The following ANKFN1 variants were observed in gnomAD, a reference collection of about 807,000 sequenced individuals.
ANKFN1 encodes ankyrin repeat and fibronectin type-III domain-containing protein 1.
In ANKFN1, 74 loss-of-function variants were observed where a neutral mutation model predicts 108.7. The ratio of observed to expected loss-of-function variants is 0.68; its 90% CI spans 0.56 to 0.83. The LOEUF is 0.83. Among genes scored for constraint, ANKFN1 ranks in the 40% least tolerant of loss-of-function variants. The pLI, the probability that ANKFN1 is intolerant of heterozygous loss-of-function variation, is 0.00. For missense variants in ANKFN1, 1,505 were observed against 1,382.3 expected, an observed-to-expected ratio of 1.09 and a Z score of -1.41; for synonymous variants, 547 against 516.2, an observed-to-expected ratio of 1.06 and a Z score of -0.81.
intron 8 of ANKFN1, among the ~76,000 whole-genome samples, chr17:56,392,424 C>T (rs968291517): frequency 5.3e-5 from 8 of 152,298 alleles, no homozygotes; most frequent in African/African-American, 1.9e-4. Context: ...GCTCTACCCC[C>T]ACAGGTCCCC....
At chr17:56,321,670 G>T (rs1247162477) in intron 3 of ANKFN1, among the ~76,000 whole-genome samples, 1 of 152,158 alleles carries the variant, frequency 6.6e-6, no homozygotes, top group Non-Finnish European at 1.5e-5. Flanking sequence ...TTCTGATGTT[G>T]GTGGGCTTTG....
chr17:56,051,876 C>A (rs1031924915), intron 4 of ANKFN1, among the ~76,000 whole-genome samples: 1 of 150,534 alleles, frequency 6.6e-6, no homozygotes, highest in Non-Finnish European at 1.5e-5. Context: ...TGTGAAGGAC[C>A]TCTTCAAGGA....
In ANKFN1 at chr17:56,144,172, A is replaced by C. The variant is rs1015581679; in HGVS notation, c.289-83745A>C. ...GGCGCATCTGAAAAAAAAAAAAAAA[A>C]AAAAAAAAAAAAACAGCCCAAACCA... On this transcript the variant is annotated intron_variant, in intron 4 of 12. Transcript: ENST00000635860. Among the ~76,000 whole-genome samples, 75 of 119,120 alleles carry C rather than the reference A, an allele frequency of 6.3e-4. 1 individual carries two copies. The highest frequency in any genetic ancestry group is 1.1e-3 in the Non-Finnish European group (59 of 52,646). 78.1% of individuals were successfully genotyped at this position (119,120 alleles called of 152,430 possible).
intron 4 of ANKFN1, among the ~76,000 whole-genome samples, chr17:56,072,513 C>A (rs921158353): frequency 1.3e-5 from 2 of 152,152 alleles, no homozygotes; most frequent in Non-Finnish European, 2.9e-5. Flanking sequence ...GTTCATGAGA[C>A]CTTCTAATGC....
intron 3 of ANKFN1, among the ~76,000 whole-genome samples, chr17:56,279,914 C>G (rs2044027073): frequency 6.6e-6 from 1 of 152,074 alleles, no homozygotes; most frequent in African/African-American, 2.4e-5. Flanking sequence ...ACAAGAATCA[C>G]CTTTTAAAAG....
intron 4 of ANKFN1, among the ~76,000 whole-genome samples, chr17:56,087,707 C>T (rs1252669551): frequency 6.6e-6 from 1 of 151,400 alleles, no homozygotes; most frequent in Non-Finnish European, 1.5e-5. Flanking sequence ...TGGCAAAGCA[C>T]AGCCACTGAT....
intron 3 of ANKFN1, among the ~76,000 whole-genome samples, chr17:56,283,320 T>C (rs2044133117): frequency 6.6e-6 from 1 of 152,082 alleles, no homozygotes; most frequent in South Asian, 2.1e-4. Flanking sequence ...TGGAAAACAG[T>C]GTAGAGATTC....
At chr17:56,330,064 GGACTAA>G (rs1169292300) in intron 4 of ANKFN1, among the ~76,000 whole-genome samples, 2 of 152,122 alleles carry the variant, frequency 1.3e-5, no homozygotes, top group African/African-American at 4.8e-5. Context: ...CAGCCTGAAG[GGACTAA>G]GACAGGTATT....
chr17:56,230,620 T>A (rs901725283), intron 3 of ANKFN1, among the ~76,000 whole-genome samples: 7 of 152,060 alleles, frequency 4.6e-5, no homozygotes, highest in Non-Finnish European at 1.0e-4. Context: ...TGCACCCACA[T>A]TCTTTCTTTT....
chr17:56,295,382 G>A (rs2044479682), intron 3 of ANKFN1, among the ~76,000 whole-genome samples: 1 of 152,164 alleles, frequency 6.6e-6, no homozygotes. Context: ...ATTCTCAAAG[G>A]TGATCCCAAG....
At chr17:56,101,056 C>A (rs1406778574) in intron 4 of ANKFN1, among the ~76,000 whole-genome samples, 2 of 151,964 alleles carry the variant, frequency 1.3e-5, no homozygotes, top group Non-Finnish European at 2.9e-5. Context: ...CCACCTGCAC[C>A]CCCACTTTCT....
intron 1 of ANKFN1, among the ~76,000 whole-genome samples, chr17:56,157,318 G>A (rs991115717): frequency 6.6e-6 from 1 of 152,194 alleles, no homozygotes; most frequent in Non-Finnish European, 1.5e-5. Flanking sequence ...CTCAGGAAAT[G>A]AGCAATGCAG....
At chr17:56,055,307 G>A (rs888035661) in intron 4 of ANKFN1, among the ~76,000 whole-genome samples, 11 of 151,642 alleles carry the variant, frequency 7.3e-5, no homozygotes, top group Non-Finnish European at 1.0e-4. Flanking sequence ...CCACTTATAA[G>A]TGTGAACATA....
At chr17:56,086,882 G>T (rs952509171) in intron 4 of ANKFN1, among the ~76,000 whole-genome samples, 2 of 151,328 alleles carry the variant, frequency 1.3e-5, no homozygotes, top group African/African-American at 2.4e-5. Context: ...CAAGTCAAGT[G>T]CCAGAGTAGG....
At chr17:56,455,629 T>C (rs186618082) in intron 11 of ANKFN1, among the ~76,000 whole-genome samples, 36 of 152,294 alleles carry the variant, frequency 2.4e-4, no homozygotes, top group Admixed American at 2.3e-3. Flanking sequence ...CTTCATTGCA[T>C]AGAATATGAG....
At chr17:56,265,903 G>A (rs2043636111) in intron 3 of ANKFN1, among the ~76,000 whole-genome samples, 1 of 152,058 alleles carries the variant, frequency 6.6e-6, no homozygotes, top group Admixed American at 6.5e-5. Context: ...TGAATCCACA[G>A]ATGCAGAACC....
chr17:56,476,318 T>C (rs2050497927), intron 15 of ANKFN1, among the ~76,000 whole-genome samples: 1 of 152,200 alleles, frequency 6.6e-6, no homozygotes, highest in South Asian at 2.1e-4. Context: ...TTTGTAATTA[T>C]TCGTTATCTG....
intron 3 of ANKFN1, among the ~76,000 whole-genome samples, chr17:56,280,496 G>T (rs2044051624): frequency 6.6e-6 from 1 of 152,094 alleles, no homozygotes; most frequent in Non-Finnish European, 1.5e-5. Flanking sequence ...GTCCACTGTT[G>T]GATGCCCTGG....
At chr17:56,392,470 T>TA (rs2047469057) in intron 8 of ANKFN1, among the ~76,000 whole-genome samples, 1 of 152,196 alleles carries the variant, frequency 6.6e-6, no homozygotes, top group African/African-American at 2.4e-5. Context: ...TGAATAGCGC[T>TA]ACACACAAGG....
Sources: allele counts gnomAD v4.1 joint callset (sites outside exome capture counted in the v4.1 genomes callset), GRCh38; gene constraint gnomAD v4.1.1; transcripts MANE v1.5; gene names NCBI Gene and HGNC (gene_info 2026-07-23, HGNC 2026-07-21).